Variants in MYO3A observed in about 807,000 individuals in gnomAD.
MYO3A encodes myosin-IIIa.
In MYO3A, 180 loss-of-function variants were observed where a neutral mutation model predicts 192.7. The ratio of observed to expected loss-of-function variants is 0.93; its 90% confidence interval spans 0.83 to 1.06. The LOEUF (loss-of-function observed/expected upper bound fraction) is 1.06, where lower values mean the gene tolerates loss of function less well. Ranked by LOEUF, MYO3A falls within the 50% of genes least tolerant of loss-of-function variation. The probability of loss-of-function intolerance (pLI) is 0.00; values close to 1 mark genes in which losing one functional copy is unlikely to be tolerated. For missense variants in MYO3A, 1,896 were observed against 1,905.0 expected (o/e 1.00, Z 0.09); for synonymous variants, 628 against 645.3 (o/e 0.97, Z 0.41).
At chr10:26,041,412 A>G (rs79334948) in intron 10 of MYO3A, among the ~76,000 whole-genome samples, 1 of 151,874 alleles carries the variant, frequency 6.6e-6, no homozygotes, top group Non-Finnish European at 1.5e-5. Flanking sequence ...AGTTTAGTCC[A>G]CTTACTTTCA....
In MYO3A at chr10:25,997,226, C is replaced by A. The variant is rs1171930754; in HGVS notation, c.476C>A (p.Thr159Asn). The change falls in exon 6 of 35, where the codon ACC becomes AAC. Residue 159 changes from threonine (T) to asparagine (N), a missense_variant. Coordinates refer to ENST00000642920, the MANE Select transcript of MYO3A (RefSeq NM_017433.5). ...RDVKGNNILL[T>N]TEGGVKLVDF... is the part of the protein sequence containing the mutation. ...GTGAAAGGCAATAACATTCTATTGA[C>A]CACGGAAGGTGGAGTGAAACTAGTA... The A allele has an allele frequency of 1.2e-6, 2 of 1,613,330 alleles. No homozygotes were observed. The highest frequency in any genetic ancestry group is 8.5e-7 in the Non-Finnish European group (1 of 1,179,520).
intron 27 of MYO3A, among the ~76,000 whole-genome samples, chr10:26,166,762 A>G (rs1327703416): frequency 1.3e-5 from 2 of 152,184 alleles, no homozygotes; most frequent in Admixed American, 6.5e-5. Context: ...TAATTCTCAG[A>G]CCTGCTTCTA....
At chr10:26,129,583 TC>T (rs1289178505) in intron 20 of MYO3A, among the ~76,000 whole-genome samples, 1 of 152,168 alleles carries the variant, frequency 6.6e-6, no homozygotes, top group Non-Finnish European at 1.5e-5. Context: ...ACAGCCAAGC[TC>T]CTTGAAAGCA....
chr10:26,053,241 C>T (rs12768268), intron 10 of MYO3A, among the ~76,000 whole-genome samples: 47,301 of 151,992 alleles, frequency 0.31, 7,640 homozygotes, highest in Middle Eastern at 0.44. Context: ...TACATATATT[C>T]TTTGTCTTAG....
intron 14 of MYO3A, among the ~76,000 whole-genome samples, 162 bp downstream of exon 14, chr10:26,070,563 A>C (rs1835144157): frequency 6.6e-6 from 1 of 152,100 alleles, no homozygotes; most frequent in Non-Finnish European, 1.5e-5. Context: ...AATGAGCAAT[A>C]TGAAAAGCAT....
At chr10:25,970,408 G>A (rs1026783369) in intron 4 of MYO3A, among the ~76,000 whole-genome samples, 3 of 151,968 alleles carry the variant, frequency 2.0e-5, no homozygotes, top group Non-Finnish European at 4.4e-5. Flanking sequence ...TAATGGAAAT[G>A]CAACATATCA....
At chr10:26,187,199 CATG>C (rs1190040759) in intron 31 of MYO3A, among the ~76,000 whole-genome samples, 2 of 152,068 alleles carry the variant, frequency 1.3e-5, no homozygotes, top group African/African-American at 4.8e-5. Flanking sequence ...AAACCTAAGT[CATG>C]ATCCCCACCA....
chr10:26,164,089 G>C (rs946666830), intron 26 of MYO3A, among the ~76,000 whole-genome samples: 1 of 152,220 alleles, frequency 6.6e-6, no homozygotes, highest in African/African-American at 2.4e-5. Context: ...AAGAGGCCTT[G>C]TTGCTATGTG....
chr10:26,012,910 C>A (rs1807248389), intron 6 of MYO3A, among the ~76,000 whole-genome samples: 1 of 152,096 alleles, frequency 6.6e-6, no homozygotes, highest in South Asian at 2.1e-4. Context: ...CAGCATGGTA[C>A]AGGTATAAAA....
At chr10:25,987,221 C>T (rs988185437) in intron 4 of MYO3A, among the ~76,000 whole-genome samples, 5 of 152,052 alleles carry the variant, frequency 3.3e-5, no homozygotes, top group Admixed American at 2.0e-4. Context: ...CAAGATGGAT[C>T]AAAGACTTAA....
chr10:26,135,681 G>A (rs1288696646), intron 20 of MYO3A, among the ~76,000 whole-genome samples: 1 of 152,070 alleles, frequency 6.6e-6, no homozygotes, highest in Non-Finnish European at 1.5e-5. Context: ...ATGTCCTAAA[G>A]AACAGAAACT....
At chr10:26,108,057 T>C (rs1837937373) in intron 17 of MYO3A, among the ~76,000 whole-genome samples, 1 of 152,212 alleles carries the variant, frequency 6.6e-6, no homozygotes, top group Admixed American at 6.5e-5. Context: ...TTATGTCCCA[T>C]AGGTTGTATT....
chr10:26,015,887 TTTA>T (rs1463839312), intron 6 of MYO3A, among the ~76,000 whole-genome samples: 16 of 152,180 alleles, frequency 1.1e-4, no homozygotes, highest in African/African-American at 3.9e-4. Context: ...TTAAATCTCC[TTTA>T]GTACCTTTCC....
chr10:26,042,590 T>C (rs1158678842), intron 10 of MYO3A, among the ~76,000 whole-genome samples: 1 of 152,188 alleles, frequency 6.6e-6, no homozygotes, highest in Non-Finnish European at 1.5e-5. Flanking sequence ...AAATCTACTG[T>C]TAAATCTGAT....
intron 26 of MYO3A, among the ~76,000 whole-genome samples, chr10:26,162,316 C>A (rs973311068): frequency 6.6e-6 from 1 of 152,200 alleles, no homozygotes; most frequent in Non-Finnish European, 1.5e-5. Context: ...AAAAGTAATA[C>A]ATAAAACACA....
At chr10:26,008,003 G>A (rs970110792) in intron 6 of MYO3A, among the ~76,000 whole-genome samples, 12 of 151,326 alleles carry the variant, frequency 7.9e-5, no homozygotes, top group African/African-American at 2.2e-4. Context: ...CTACAGTAAC[G>A]AAAACAGCGT....
chr10:26,174,321 A>C lies in MYO3A; in HGVS notation c.4057A>C (p.Ile1353Leu), dbSNP rs1164470334. ...QEEEDKAAVF[I>L]QSKYRGYKRR... ...GGAAGAAGATAAAGCAGCGGTATTC[A>C]TTCAGAGCAAATACCGGGGTTACAA... Residue 1353 changes from isoleucine to leucine, a missense_variant, in exon 30 of 35, where the codon ATT (isoleucine) becomes CTT (leucine). Ile to Leu is a conservative substitution (Grantham distance 5). Transcript: ENST00000642920. 34 of 1,614,102 alleles carry C rather than the reference A, an allele frequency of 2.1e-5. No individual in the cohort carries two copies. Among genetic ancestry groups the C allele is most frequent in the Non-Finnish European group, 2.8e-5 (33 of 1,180,048 alleles).
At chr10:26,144,716 G>C (rs1344434175) in intron 21 of MYO3A, among the ~76,000 whole-genome samples, 1 of 152,058 alleles carries the variant, frequency 6.6e-6, no homozygotes, top group Non-Finnish European at 1.5e-5. Context: ...AAACCTCTTT[G>C]GTCAGTCTCA....
intron 2 of MYO3A, among the ~76,000 whole-genome samples, chr10:25,948,563 C>A (rs1159840249): frequency 2.0e-5 from 3 of 151,954 alleles, no homozygotes; most frequent in Admixed American, 6.6e-5. Context: ...AATTACTTTT[C>A]ATTCTTTGCA....
Sources: allele counts gnomAD v4.1 joint callset (sites outside exome capture counted in the v4.1 genomes callset), GRCh38; gene constraint gnomAD v4.1.1; transcripts MANE v1.5; gene names NCBI Gene and HGNC (gene_info 2026-07-23, HGNC 2026-07-21).